Variants in TMEM130 observed in about 807,000 individuals in gnomAD.
TMEM130 encodes transmembrane protein 130.
Under a neutral mutation model 42.9 loss-of-function variants are expected in TMEM130, and 37 were observed. The ratio of observed to expected loss-of-function variants is 0.86; its 90% CI spans 0.66 to 1.13. The LOEUF is 1.13. TMEM130 is among the 50% of genes most tolerant of loss of function. The pLI, the probability that TMEM130 is intolerant of heterozygous loss-of-function variation, is 0.00. For synonymous variants in TMEM130, 259 were observed against 237.7 expected (o/e 1.09, Z -0.82); for missense variants, 545 against 562.6 (o/e 0.97, Z 0.32).
In TMEM130 at chr7:98,856,295, G is replaced by T. The variant is rs147352308; in HGVS notation, c.552-112C>A. 333 of 1,039,880 alleles carry T rather than the reference G, an allele frequency of 3.2e-4. 2 individuals are homozygous for T. In the African/African-American group the frequency reaches 4.3e-3, roughly 13 times the overall value. 64.4% of individuals were successfully genotyped at this position (1,039,880 alleles called of 1,614,324 possible). ...CCAGAGTCAGGGGAGGCTGTACAGT[G>T]ATACTCCCAGCTACCAGTGAGCACA... On this transcript the variant is annotated intron_variant, in intron 3 of 7. Coordinates refer to ENST00000339375, the MANE Select transcript of TMEM130 (RefSeq NM_152913.3).
At chr7:98,854,288 C>T (rs1398524952) in intron 5 of TMEM130, among the ~76,000 whole-genome samples, 1 of 152,138 alleles carries the variant, frequency 6.6e-6, no homozygotes, top group Non-Finnish European at 1.5e-5. Flanking sequence ...GAAGAGAACC[C>T]TGAAAGAACC....
At chr7:98,850,437 C>G (rs1286376350) in intron 6 of TMEM130, among the ~76,000 whole-genome samples, 3 of 151,228 alleles carry the variant, frequency 2.0e-5, no homozygotes, top group Non-Finnish European at 4.4e-5. Flanking sequence ...ACCACCACAC[C>G]CAGCTAACTT....
At chr7:98,848,723 G>T (rs782303112) in intron 6 of TMEM130, 28 bp from the exon 7 acceptor site, 20 of 1,465,078 alleles carry the variant, frequency 1.4e-5, no homozygotes, top group African/African-American at 4.2e-5. Context: ...AACATTACAG[G>T]ACTGGGTAGC....
intron 3 of TMEM130, among the ~76,000 whole-genome samples, chr7:98,856,760 G>A (rs1362191907): frequency 1.3e-5 from 2 of 152,072 alleles, no homozygotes; most frequent in African/African-American, 4.8e-5. Flanking sequence ...GCCTCCTAAA[G>A]TGCTGGGATT....
chr7:98,855,588 C>T (rs563842968), intron 4 of TMEM130, among the ~76,000 whole-genome samples: 64 of 152,250 alleles, frequency 4.2e-4, no homozygotes, highest in Non-Finnish European at 7.3e-4. Context: ...CTGTGTCACA[C>T]AGGAGAGCAC....
Position 98,856,104 on chromosome 7 carries a change from C to T in TMEM130, c.631G>A (p.Val211Met). 1 of 1,614,052 alleles carries T rather than the reference C, an allele frequency of 6.2e-7. No individual in the cohort carries two copies. The highest frequency in any genetic ancestry group is 8.5e-7 in the Non-Finnish European group (1 of 1,180,042). ...GGCTCCACCTCTTCCCACTCCGCCACCACTTTGAGCTTCACGGTGAAGGTC... is the reference window on the plus strand; with the variant it reads ...GGCTCCACCTCTTCCCACTCCGCCATCACTTTGAGCTTCACGGTGAAGGTC... ...IGTFTVKLKV[V>M]AEWEEVEPDA... The change falls in exon 4 of 8, where the codon GTG becomes ATG. Residue 211 changes from valine to methionine, a missense_variant. Coordinates refer to ENST00000339375, the MANE Select transcript of TMEM130 (RefSeq NM_152913.3).
At chr7:98,860,032 G>A in intron 3 of TMEM130, 147 bp downstream of exon 3, 1 of 604,106 alleles carries the variant, frequency 1.7e-6, no homozygotes, top group Non-Finnish European at 2.5e-6. Context: ...TGGTACTACT[G>A]CACTCCAGCC....
intron 1 of TMEM130, among the ~76,000 whole-genome samples, chr7:98,865,424 A>G (rs1396883730): frequency 6.6e-6 from 1 of 152,144 alleles, no homozygotes; most frequent in Non-Finnish European, 1.5e-5. Context: ...CCTGACCAAC[A>G]TGGAGAAACC....
chr7:98,862,963 G>A (rs1449694664), intron 2 of TMEM130, 132 bp downstream of exon 2: 9 of 992,302 alleles, frequency 9.1e-6, no homozygotes, highest in Non-Finnish European at 1.3e-5. Context: ...CTGACCCGGG[G>A]AAGGAACCTA....
intron 6 of TMEM130, among the ~76,000 whole-genome samples, chr7:98,850,500 A>G (rs536501745): frequency 3.4e-4 from 52 of 151,292 alleles, no homozygotes; most frequent in Non-Finnish European, 4.0e-4. Context: ...GCTGGTCTCA[A>G]ACTCTTGGCC....
Position 98,869,657 on chromosome 7 carries a change from G to T in TMEM130, c.85+120C>A. The T allele has an allele frequency of 1.3e-6, 1 of 745,158 alleles. No homozygotes were observed. Among genetic ancestry groups the T allele is most frequent in the Non-Finnish European group, 1.9e-6 (1 of 521,658 alleles). The allele number at this position is 745,158 out of a possible 1,614,324, so 46.2% of individuals were successfully genotyped here. A position where few individuals can be genotyped will look rare whatever the true frequency, so the allele number is the denominator to read the frequency against. On this transcript the variant is annotated intron_variant, in intron 1 of 7. Coordinates refer to ENST00000339375, the MANE Select transcript of TMEM130 (RefSeq NM_152913.3). This position sits in a 1 kb window ranked among gnomAD's most constrained non-coding sequence, Gnocchi z 4.7. ...TGGCCTCAGCCGAGGAGGGAGATGC[G>T]CGCAGGGCGCACGGTGCCACCTCCG...
intron 7 of TMEM130, 36 bp from the exon 8 acceptor site, chr7:98,848,244 C>T (rs782098655): frequency 6.2e-7 from 1 of 1,613,096 alleles, no homozygotes; most frequent in Non-Finnish European, 8.5e-7. Context: ...AAATCAGCCA[C>T]CTATGATGAA....
chr7:98,860,044 G>A, intron 3 of TMEM130, 135 bp downstream of exon 3: 2 of 733,320 alleles, frequency 2.7e-6, no homozygotes, highest in Non-Finnish European at 1.9e-6. Context: ...ACTCCAGCCT[G>A]GATGACAGAA....
rs1554400147 is a variant in TMEM130 at position 98,863,320 on chromosome 7, T to G, written c.166A>C (p.Lys56Gln). The change falls in exon 2 of 8, where the codon AAG becomes CAG. Residue 56 changes from lysine (K) to glutamine (Q), a missense_variant. Physicochemically the swap from Lys to Gln is moderately conservative, Grantham distance 53 (BLOSUM62 1). Coordinates refer to ENST00000339375, the MANE Select transcript of TMEM130 (RefSeq NM_152913.3). ...GGCAGGGCCAGGCTGCCGTTGTCCT[T>G]GGCCACCAGGCTGGCCGAGATGGTC... ...VVTISASLVA[K>Q]DNGSLALPAD... 2 of 1,612,458 alleles carry G rather than the reference T, an allele frequency of 1.2e-6. No individual in the cohort carries two copies. Among genetic ancestry groups the G allele is most frequent in the Non-Finnish European group, 1.7e-6 (2 of 1,179,922 alleles).
At chr7:98,853,796 G>A (rs1794565791) in intron 5 of TMEM130, among the ~76,000 whole-genome samples, 1 of 152,156 alleles carries the variant, frequency 6.6e-6, no homozygotes, top group Non-Finnish European at 1.5e-5. Context: ...CAGGAGCCTG[G>A]GTCAGGCTGC....
rs782178074 is a variant in TMEM130, at chr7:98,856,203, A to T, written c.552-20T>A. The T allele has an allele frequency of 6.2e-7, 1 of 1,610,828 alleles. No homozygotes were observed. Among genetic ancestry groups the T allele is most frequent in the Non-Finnish European group, 8.5e-7 (1 of 1,178,466 alleles). ...TGGGTCCTGTTAGGAGACAGGGAGG[A>T]GAGAGGAGGAAGACAGCAGACGGTT... is the stretch of plus-strand genomic sequence containing the variant. On this transcript the variant is annotated intron_variant, in intron 3 of 7. Transcript: ENST00000339375.
chr7:98,859,115 AAGGGAGGGAGGG>A (rs376016730), intron 3 of TMEM130, among the ~76,000 whole-genome samples: 2 of 132,506 alleles, frequency 1.5e-5, no homozygotes, highest in East Asian at 2.6e-4. Context: ...GGAAGAAAGG[AAGGGAGGGAGGG>A]AGGGAGGGAG....
Position 98,848,669 on chromosome 7 carries a change from G to C in TMEM130, c.1033C>G (p.Pro345Ala), listed in dbSNP as rs990901748. The change falls in exon 7 of 8, where the codon CCA (proline) becomes GCA (alanine). Residue 345 changes from proline (P) to alanine (A), a missense_variant. Physicochemically the swap from Pro to Ala is conservative, Grantham distance 27. Transcript: ENST00000339375. ...ATCACAGTGATAAGTGTAGCACATG[G>C]GAAAGCAAAGACAGCCGGCTGGATT... Reference protein sequence around the residue: ...SRIQPAVFAFPCATLITVMLA... With the variant: ...SRIQPAVFAFACATLITVMLA... 23 of 1,613,984 alleles carry C rather than the reference G, an allele frequency of 1.4e-5. No individual in the cohort carries two copies. The highest frequency in any genetic ancestry group is 1.9e-5 in the Non-Finnish European group (23 of 1,179,872).
chr7:98,850,273 A>ATATATATATTTTTTTTTT, intron 6 of TMEM130, among the ~76,000 whole-genome samples: 5 of 35,460 alleles, frequency 1.4e-4, no homozygotes, highest in East Asian at 7.7e-4. Context: ...ATATATATAT[A>ATATATATATTTTTTTTTT]TTTTTTTTTT....
Sources: gnomAD v4.1 joint callset for allele counts (sites outside exome capture counted in the v4.1 genomes callset) on GRCh38, gnomAD v4.1.1 for gene constraint, Gnocchi (gnomAD v3.1) non-coding constraint, MANE v1.5 for transcripts, NCBI Gene and HGNC (gene_info 2026-07-23, HGNC 2026-07-21) for gene names.